The following SLC60A1 variants were observed in gnomAD, a reference collection of about 807,000 sequenced individuals.
The protein encoded by SLC60A1 is solute carrier family 60 member 1.
chr1:205,592,052 A>C, the SLC60A1 span: 2 of 1,554,820 alleles, frequency 1.3e-6, no homozygotes, highest in Non-Finnish European at 1.8e-6. Context: ...GGAAACGCCA[A>C]GCCAGGAGAC....
chr1:205,591,108 G>A, the SLC60A1 span, among the ~76,000 whole-genome samples: 1 of 152,152 alleles, frequency 6.6e-6, no homozygotes, highest in Non-Finnish European at 1.5e-5. Context: ...ACTCAATGCA[G>A]ACATAAAAAC....
At chr1:205,593,418 C>CCGAAATCCCGCCACTGT in the SLC60A1 span, among the ~76,000 whole-genome samples, 1 of 60,596 alleles carries the variant, frequency 1.7e-5, no homozygotes, top group African/African-American at 6.9e-5. Flanking sequence ...TTGCAGTGAG[C>CCGAAATCCCGCCACTGT]ACTCCAGCCT....
chr1:205,578,981 C>T, the SLC60A1 span, among the ~76,000 whole-genome samples: 2 of 152,220 alleles, frequency 1.3e-5, no homozygotes, highest in Admixed American at 1.3e-4. Context: ...GAGCCTTAGA[C>T]ACTCCATCCA....
the SLC60A1 span, chr1:205,586,177 G>A: frequency 2.5e-6 from 4 of 1,613,542 alleles, no homozygotes; most frequent in Non-Finnish European, 3.4e-6. Context: ...CCTCAAGAAT[G>A]AAGCCGGCCA....
At chr1:205,569,355 G>A in the SLC60A1 span, 96 of 1,227,136 alleles carry the variant, frequency 7.8e-5, no homozygotes, top group African/African-American at 1.4e-3. Flanking sequence ...CACCCTCGCC[G>A]GGCCGACCCT....
chr1:205,580,079 G>C, the SLC60A1 span: 1 of 986,912 alleles, frequency 1.0e-6, no homozygotes, highest in South Asian at 1.6e-5. The surrounding 1 kb of genome is among the most constrained non-coding windows in gnomAD (Gnocchi z 5.0). Context: ...TTCTAGACTC[G>C]GTTTTCCCAT....
At chr1:205,598,746 A>G in the SLC60A1 span, 1 of 188,920 alleles carries the variant, frequency 5.3e-6, no homozygotes, top group Non-Finnish European at 1.1e-5. Flanking sequence ...CTACTTTAAC[A>G]TGTTTTAAAT....
At chr1:205,592,236 A>G in the SLC60A1 span, 2 of 1,614,074 alleles carry the variant, frequency 1.2e-6, no homozygotes, top group South Asian at 1.1e-5. Context: ...GTTTCTCAGC[A>G]GCACCTTCCC....
At chr1:205,600,278 A>T in the SLC60A1 span, 1 of 906,164 alleles carries the variant, frequency 1.1e-6, no homozygotes. Flanking sequence ...CTGACTTTTC[A>T]CTTTGCTCCC....
chr1:205,596,752 C>A, the SLC60A1 span, among the ~76,000 whole-genome samples: 1 of 152,012 alleles, frequency 6.6e-6, no homozygotes, highest in African/African-American at 2.4e-5. Flanking sequence ...AAGTCCTTGG[C>A]CTTCATCCTG....
At chr1:205,584,527 G>A in the SLC60A1 span, among the ~76,000 whole-genome samples, 6 of 146,284 alleles carry the variant, frequency 4.1e-5, no homozygotes, top group Admixed American at 1.4e-4. Context: ...CCTGGCCACA[G>A]GTGATAGTCC....
At chr1:205,587,095 C>A in the SLC60A1 span, among the ~76,000 whole-genome samples, 2 of 152,274 alleles carry the variant, frequency 1.3e-5, no homozygotes, top group South Asian at 2.1e-4. Flanking sequence ...TGGGTTAAGA[C>A]CCTTGCCTTG....
the SLC60A1 span, among the ~76,000 whole-genome samples, chr1:205,597,362 CA>C: frequency 3.6e-5 from 5 of 138,722 alleles, no homozygotes; most frequent in East Asian, 1.1e-3. Flanking sequence ...TTCCCAGAAG[CA>C]ACCTAGGTTG....
chr1:205,585,961 C>T, the SLC60A1 span: 3 of 1,483,850 alleles, frequency 2.0e-6, no homozygotes, highest in Non-Finnish European at 2.7e-6. The surrounding 1 kb of genome is among the most constrained non-coding windows in gnomAD (Gnocchi z 4.2). Flanking sequence ...CCTGCCCAGC[C>T]TGGGCTCCCT....
the SLC60A1 span, among the ~76,000 whole-genome samples, chr1:205,596,544 CAAAAAAAAAAAAAAAAA>C: frequency 2.2e-4 from 11 of 49,114 alleles, no homozygotes; most frequent in Admixed American, 7.6e-4. Flanking sequence ...GACTCTGTCT[CAAAAAAAAAAAAAAAAA>C]AAAAAAAAAA....
chr1:205,596,582 GAAT>G, the SLC60A1 span, among the ~76,000 whole-genome samples: 1 of 102,984 alleles, frequency 9.7e-6, no homozygotes, highest in Non-Finnish European at 2.2e-5. Flanking sequence ...AAAAAAAGAT[GAAT>G]GATAGTTTAC....
the SLC60A1 span, among the ~76,000 whole-genome samples, chr1:205,590,109 C>G: frequency 6.6e-6 from 1 of 152,122 alleles, no homozygotes; most frequent in Non-Finnish European, 1.5e-5. Flanking sequence ...CAGGGACTGA[C>G]TATATCCAAG....
the SLC60A1 span, chr1:205,591,907 T>TGGGAAGATGTCTAGGC: frequency 1.4e-5 from 7 of 516,262 alleles, no homozygotes; most frequent in African/African-American, 3.9e-5. Context: ...GATGTCTAGG[T>TGGGAAGATGTCTAGGC]GGGAAGATGT....
At chr1:205,587,168 G>T in the SLC60A1 span, among the ~76,000 whole-genome samples, 1 of 152,126 alleles carries the variant, frequency 6.6e-6, no homozygotes, top group East Asian at 1.9e-4. Context: ...CTGCCAAATT[G>T]TCTAGTCCAA....
Sources: gnomAD v4.1 joint callset for allele counts (sites outside exome capture counted in the v4.1 genomes callset) on GRCh38, gnomAD v4.1.1 for gene constraint, Gnocchi (gnomAD v3.1) non-coding constraint, MANE v1.5 for transcripts, NCBI Gene and HGNC (gene_info 2026-07-23, HGNC 2026-07-21) for gene names.